DLC1: variants seen among roughly 807,000 people sequenced by gnomAD.
The protein encoded by DLC1 is DLC1 Rho GTPase activating protein.
A neutral mutation model predicts 140.3 loss-of-function variants in DLC1; 54 were observed. The ratio of observed to expected loss-of-function variants is 0.38; its 90% CI spans 0.31 to 0.48. The LOEUF (loss-of-function observed/expected upper bound fraction) is 0.48. Ranked by LOEUF, DLC1 falls within the 20% of genes least tolerant of loss-of-function variation. DLC1 has a pLI of 0.96. For missense variants in DLC1, 2,536 were observed against 1,907.0 expected (o/e 1.33, Z -6.14); for synonymous variants, 986 against 728.1 (o/e 1.35, Z -5.70).
intron 5 of DLC1, among the ~76,000 whole-genome samples, chr8:13,246,534 A>G (rs768352160): frequency 1.6e-4 from 25 of 152,180 alleles, no homozygotes; most frequent in Non-Finnish European, 2.9e-4. Flanking sequence ...ATGTGTGATC[A>G]TCTGAAATAG....
chr8:13,553,669 C>A (rs1343730226), intron 1 of DLC1, among the ~76,000 whole-genome samples: 1 of 151,640 alleles, frequency 6.6e-6, no homozygotes, highest in African/African-American at 2.4e-5. Context: ...TTTTTCTGTC[C>A]CCCTTCATGG....
intron 5 of DLC1, among the ~76,000 whole-genome samples, chr8:13,178,334 G>A (rs1186723926): frequency 2.0e-5 from 3 of 152,012 alleles, no homozygotes; most frequent in Admixed American, 6.6e-5. Context: ...AGGCCATGAC[G>A]GGCGGATCAC....
At chr8:13,324,058 T>C (rs1833234744) in intron 4 of DLC1, among the ~76,000 whole-genome samples, 1 of 152,214 alleles carries the variant, frequency 6.6e-6, no homozygotes, top group Non-Finnish European at 1.5e-5. Context: ...TACTTAAGAA[T>C]AGTTAATACA....
intron 2 of DLC1, among the ~76,000 whole-genome samples, chr8:13,491,006 T>G (rs1296279547): frequency 1.4e-5 from 2 of 147,432 alleles, no homozygotes; most frequent in Admixed American, 1.4e-4. Flanking sequence ...CACACATATA[T>G]ATATAAATTC....
At position 13,098,503 on chromosome 8, in the gene DLC1, G is replaced by C; in HGVS notation, c.3063C>G (p.Asn1021Lys). 6.2e-7 allele frequency: 1 copy of C among 1,614,248 alleles called. No individual in the cohort carries two copies. Among genetic ancestry groups the C allele is most frequent in the Non-Finnish European group, 8.5e-7 (1 of 1,180,036 alleles). Residue 1021 changes from asparagine to lysine, a missense_variant, in exon 10 of 18, where the codon AAC (asparagine) becomes AAG (lysine). By Grantham distance (94) the Asn-to-Lys change is moderately conservative (BLOSUM62 0). Coordinates refer to ENST00000276297, the MANE Select transcript of DLC1 (RefSeq NM_182643.3). ...GGTTCATCTGGGCCACAGACTGGCA[G>C]TTAATCTGTAGTGATACAGAGTTGA... is the stretch of plus-strand genomic sequence containing the variant. Reference protein sequence around the residue: ...PSLNSVSLQINCQSVAQMNLL... With the variant: ...PSLNSVSLQIKCQSVAQMNLL...
At chr8:13,213,038 T>A (rs901425315) in intron 5 of DLC1, among the ~76,000 whole-genome samples, 1 of 152,226 alleles carries the variant, frequency 6.6e-6, no homozygotes, top group African/African-American at 2.4e-5. Flanking sequence ...AGATGTTGAA[T>A]GTAGTGGGAG....
At chr8:13,353,721 T>C (rs1834785648) in intron 4 of DLC1, among the ~76,000 whole-genome samples, 1 of 151,894 alleles carries the variant, frequency 6.6e-6, no homozygotes, top group South Asian at 2.1e-4. Context: ...GCCAGGCCTG[T>C]TGGCAGGTGC....
rs569329653 is a variant in DLC1 at position 13,386,849 on chromosome 8, T to C, written c.1314+6704A>G. On this transcript the variant is annotated intron_variant, in intron 4 of 17. Coordinates refer to ENST00000276297, the MANE Select transcript of DLC1 (RefSeq NM_182643.3). Reference sequence around the variant, plus strand: ...CAGTTCTTCCTTAAAAAGCTATAAATTTTGCCTATTTTTCTTTCTAATAAA... The same window carrying C: ...CAGTTCTTCCTTAAAAAGCTATAAACTTTGCCTATTTTTCTTTCTAATAAA... 1.2e-4 allele frequency among the ~76,000 whole-genome samples: 19 copies of C among 152,130 alleles called. 1 individual carries two copies. The East Asian group carries it at 2.7e-3, about 22-fold the overall frequency.
intron 2 of DLC1, among the ~76,000 whole-genome samples, chr8:13,416,593 A>G (rs1291988705): frequency 6.6e-6 from 1 of 152,186 alleles, no homozygotes; most frequent in Non-Finnish European, 1.5e-5. Context: ...TTCAGAATCA[A>G]ATAGAAATAA....
In DLC1 at chr8:13,432,203, A is replaced by G. The variant is rs535958481; in HGVS notation, c.1024-30584T>C. On this transcript the variant is annotated intron_variant, in intron 2 of 17. Coordinates refer to ENST00000276297, the MANE Select transcript of DLC1 (RefSeq NM_182643.3). Reference sequence around the variant, plus strand: ...ATCATCATGAACTCAATAATGTATTATATTGAAAATGAGACCTAACTATAG... The same window carrying G: ...ATCATCATGAACTCAATAATGTATTGTATTGAAAATGAGACCTAACTATAG... Among the ~76,000 whole-genome samples the G allele has an allele frequency of 4.6e-5, 7 of 152,352 alleles. No individual in the cohort carries two copies. The South Asian group carries it at 1.4e-3, about 32-fold the overall frequency.
chr8:13,308,475 G>T (rs368917087), intron 4 of DLC1, among the ~76,000 whole-genome samples: 9 of 152,154 alleles, frequency 5.9e-5, no homozygotes, highest in Admixed American at 2.0e-4. Context: ...CTAGAAAGTT[G>T]TTTATGAATA....
chr8:13,599,329 A>T (rs1011068059), intron 1 of DLC1, among the ~76,000 whole-genome samples: 2 of 152,012 alleles, frequency 1.3e-5, no homozygotes, highest in African/African-American at 4.8e-5. Context: ...CCATAGAACA[A>T]TAATAAATTA....
At chr8:13,251,271 G>A (rs1829992663) in intron 5 of DLC1, among the ~76,000 whole-genome samples, 1 of 152,048 alleles carries the variant, frequency 6.6e-6, no homozygotes, top group South Asian at 2.1e-4. Flanking sequence ...CAGTAACATC[G>A]GGGTTAGAGC....
At chr8:13,216,302 G>C (rs1368058690) in intron 5 of DLC1, among the ~76,000 whole-genome samples, 1 of 152,164 alleles carries the variant, frequency 6.6e-6, no homozygotes, top group Non-Finnish European at 1.5e-5. Context: ...TCATTTGACA[G>C]AGGACTATAT....
At chr8:13,472,255 T>C (rs771657287) in intron 2 of DLC1, among the ~76,000 whole-genome samples, 5 of 152,202 alleles carry the variant, frequency 3.3e-5, no homozygotes, top group Non-Finnish European at 7.3e-5. Flanking sequence ...GAAGAAAAGA[T>C]TGCTGTTCTC....
intron 5 of DLC1, among the ~76,000 whole-genome samples, chr8:13,179,556 A>G (rs902698750): frequency 3.3e-5 from 5 of 152,068 alleles, no homozygotes; most frequent in Non-Finnish European, 7.4e-5. Flanking sequence ...CCCTGCCTCA[A>G]CAAAAAATAT....
rs1357718977 is a variant in DLC1, at chr8:13,494,621, T to A, written c.1023+4428A>T. ...TATGTCATTTGAACCACTATTATGC[T>A]TTCTGAGATAGCAGCCAAATCTATA... On this transcript the variant is annotated intron_variant, in intron 2 of 17. Coordinates refer to ENST00000276297, the MANE Select transcript of DLC1 (RefSeq NM_182643.3). Among the ~76,000 whole-genome samples, 4 of 152,286 alleles carry A rather than the reference T, an allele frequency of 2.6e-5. No homozygotes were observed. In the East Asian group the frequency reaches 5.8e-4, roughly 22 times the overall value.
At chr8:13,506,055 GTGTGTGTGTATATATAAAGCAGTCCT>G (rs1191373991) in intron 1 of DLC1, among the ~76,000 whole-genome samples, 2 of 143,890 alleles carry the variant, frequency 1.4e-5, no homozygotes, top group Admixed American at 1.4e-4. Context: ...ATACATATAT[GTGTGTGTGTATATATAAAGCAGTCCT>G]TTGAGAATAC....
intron 5 of DLC1, among the ~76,000 whole-genome samples, chr8:13,191,039 T>C (rs974790869): frequency 6.6e-6 from 1 of 151,728 alleles, no homozygotes; most frequent in Admixed American, 6.6e-5. Context: ...GATAACGAGG[T>C]AGAAAAGTAG....
Sources: gnomAD v4.1 joint callset for allele counts (sites outside exome capture counted in the v4.1 genomes callset) on GRCh38, gnomAD v4.1.1 for gene constraint, MANE v1.5 for transcripts, NCBI Gene and HGNC (gene_info 2026-07-23, HGNC 2026-07-21) for gene names.